NRXN3: variants seen among roughly 807,000 people sequenced by gnomAD.
NRXN3 encodes neurexin 3.
NRXN3 carries 32 observed loss-of-function variants against 137.6 expected under a neutral mutation model. The observed-to-expected ratio is 0.23, with a 90% CI of 0.18 to 0.31. NRXN3 has a LOEUF of 0.31. Ranked by LOEUF, NRXN3 falls within the 10% of genes least tolerant of loss-of-function variation. The pLI is 1.00. For missense variants in NRXN3, 1,574 were observed against 2,062.5 expected, an observed-to-expected ratio of 0.76 and a Z score of 4.59; for synonymous variants, 798 against 784.5, an observed-to-expected ratio of 1.02 and a Z score of -0.29.
intron 15 of NRXN3, among the ~76,000 whole-genome samples, chr14:79,287,538 T>G (rs1255725083): frequency 1.3e-5 from 2 of 152,214 alleles, no homozygotes; most frequent in East Asian, 1.9e-4. Context: ...CAGGTGTTTT[T>G]AGGGACAACT....
intron 4 of NRXN3, among the ~76,000 whole-genome samples, chr14:78,557,049 C>T (rs1409036465): frequency 4.2e-5 from 6 of 142,342 alleles, no homozygotes; most frequent in Admixed American, 7.1e-5. Flanking sequence ...CTCCCCTCTC[C>T]GCTCCCTCTT....
chr14:79,612,880 GC>G (rs2098119092), intron 16 of NRXN3, among the ~76,000 whole-genome samples: 1 of 152,124 alleles, frequency 6.6e-6, no homozygotes, highest in African/African-American at 2.4e-5. Flanking sequence ...AAAATAAAAT[GC>G]TAAAATGAAC....
intron 15 of NRXN3, among the ~76,000 whole-genome samples, chr14:79,393,340 A>G (rs1256405639): frequency 6.6e-6 from 1 of 152,232 alleles, no homozygotes; most frequent in African/African-American, 2.4e-5. Flanking sequence ...TGCCATTTAC[A>G]GCATAGACAA....
intron 4 of NRXN3, among the ~76,000 whole-genome samples, chr14:78,479,012 A>G (rs2095427625): frequency 6.6e-6 from 1 of 152,202 alleles, no homozygotes; most frequent in Admixed American, 6.5e-5. Context: ...CAGTTAGAGA[A>G]CTAGGATAAT....
rs180887555 is a variant in NRXN3, at chr14:79,093,629, A to C, written c.3262+105488A>C. Among the ~76,000 whole-genome samples the C allele has an allele frequency of 3.9e-3, 601 of 152,306 alleles. 5 individuals carry two copies. Among genetic ancestry groups the C allele is most frequent in the African/African-American group, 0.014 (563 of 41,572 alleles). ...CGAGCCTACTAAACTGCCTAAGCAC[A>C]CCGGTTAAGTGTGGCAACTTTGAGA... On this transcript the variant is annotated intron_variant, in intron 15 of 20. Coordinates refer to ENST00000335750, the MANE Select transcript of NRXN3 (RefSeq NM_001330195.2).
At chr14:78,898,940 G>A (rs557236638) in intron 10 of NRXN3, among the ~76,000 whole-genome samples, 9 of 152,026 alleles carry the variant, frequency 5.9e-5, no homozygotes, top group Admixed American at 1.3e-4. Flanking sequence ...GTAGCCTCAC[G>A]CTCTGGGTTC....
At chr14:79,132,114 T>A (rs2127447) in intron 15 of NRXN3, among the ~76,000 whole-genome samples, 2,690 of 152,334 alleles carry the variant, frequency 0.018, 76 homozygotes, top group African/African-American at 0.062. Context: ...GTACCTCAGA[T>A]GGAAATGCAG....
At chr14:78,353,023 G>A (rs2083765381) in intron 4 of NRXN3, among the ~76,000 whole-genome samples, 1 of 152,214 alleles carries the variant, frequency 6.6e-6, no homozygotes, top group East Asian at 1.9e-4. Context: ...CAGGGAGTAA[G>A]GATCGATCAC....
chr14:79,125,469 C>T (rs2056236479), intron 15 of NRXN3, among the ~76,000 whole-genome samples: 1 of 152,148 alleles, frequency 6.6e-6, no homozygotes, highest in Admixed American at 6.6e-5. Flanking sequence ...GCCATCTTGT[C>T]TTTATTGAAC....
At chr14:79,747,209 G>GT (rs1260512749) in intron 19 of NRXN3, among the ~76,000 whole-genome samples, 2 of 151,904 alleles carry the variant, frequency 1.3e-5, no homozygotes, top group East Asian at 1.9e-4. Flanking sequence ...CTACCTCAAA[G>GT]GGCAGGTAGT....
At chr14:79,109,698 T>C (rs1206411067) in intron 15 of NRXN3, among the ~76,000 whole-genome samples, 1 of 152,140 alleles carries the variant, frequency 6.6e-6, no homozygotes, top group Non-Finnish European at 1.5e-5. Flanking sequence ...ATTTTAGCAA[T>C]TGTACAAGCT....
chr14:79,014,925 G>T (rs2099576825), intron 15 of NRXN3, among the ~76,000 whole-genome samples: 1 of 152,074 alleles, frequency 6.6e-6, no homozygotes, highest in African/African-American at 2.4e-5. Flanking sequence ...GGAGTCACTG[G>T]GGACCAGGAA....
chr14:78,778,274 T>C (rs2098751299), intron 8 of NRXN3, among the ~76,000 whole-genome samples: 2 of 152,220 alleles, frequency 1.3e-5, no homozygotes, highest in Non-Finnish European at 2.9e-5. Context: ...TTCTCAATGA[T>C]AGACAAGTCT....
intron 16 of NRXN3, among the ~76,000 whole-genome samples, chr14:79,553,892 T>A (rs779260158): frequency 2.7e-4 from 41 of 152,192 alleles, no homozygotes; most frequent in Non-Finnish European, 4.9e-4. Flanking sequence ...GAGATACTTT[T>A]TAATGAATGG....
chr14:79,824,131 G>T (rs117133763), intron 20 of NRXN3, among the ~76,000 whole-genome samples: 3 of 152,136 alleles, frequency 2.0e-5, no homozygotes, highest in African/African-American at 7.2e-5. Context: ...CTGTACATCT[G>T]CTGGTTAGAT....
intron 16 of NRXN3, among the ~76,000 whole-genome samples, chr14:79,491,546 C>G (rs1567274449): frequency 2.0e-5 from 3 of 151,934 alleles, no homozygotes; most frequent in Admixed American, 2.0e-4. Context: ...AGACCCTCAA[C>G]ATTTTTCCAA....
At chr14:79,381,657 C>G (rs1241353920) in intron 15 of NRXN3, among the ~76,000 whole-genome samples, 1 of 152,136 alleles carries the variant, frequency 6.6e-6, no homozygotes, top group Non-Finnish European at 1.5e-5. Context: ...CTTAAGTGCT[C>G]AAAGGTTTTT....
At chr14:79,039,515 T>G (rs1013041774) in intron 15 of NRXN3, among the ~76,000 whole-genome samples, 2 of 152,126 alleles carry the variant, frequency 1.3e-5, no homozygotes, top group South Asian at 4.1e-4. Context: ...CAATTATGCA[T>G]GCCTCTGAAA....
At chr14:78,661,968 C>A (rs2097845743) in intron 6 of NRXN3, among the ~76,000 whole-genome samples, 1 of 151,280 alleles carries the variant, frequency 6.6e-6, no homozygotes, top group Admixed American at 6.6e-5. Context: ...CGGCTCACTG[C>A]ACCCTCCACC....
Sources: gnomAD v4.1 joint callset for allele counts (sites outside exome capture counted in the v4.1 genomes callset) on GRCh38, gnomAD v4.1.1 for gene constraint, MANE v1.5 for transcripts, NCBI Gene and HGNC (gene_info 2026-07-23, HGNC 2026-07-21) for gene names.